The following PLEKHA6 variants were observed in gnomAD, a reference collection of about 807,000 sequenced individuals.
The protein encoded by PLEKHA6 is pleckstrin homology domain-containing family A member 6.
In PLEKHA6, 60 loss-of-function variants were observed where a neutral mutation model predicts 116.7. That is an observed-to-expected ratio of 0.51 (90% CI 0.42 to 0.64). The LOEUF is 0.64. Among genes scored for constraint, PLEKHA6 ranks in the 30% least tolerant of loss-of-function variants. PLEKHA6 has a pLI of 0.00. For synonymous variants in PLEKHA6, 489 were observed against 556.1 expected (o/e 0.88, Z 1.70); for missense variants, 1,338 against 1,422.7 (o/e 0.94, Z 0.96).
chr1:204,339,443 T>C (rs963936951), intron 1 of PLEKHA6, among the ~76,000 whole-genome samples: 1 of 152,046 alleles, frequency 6.6e-6, no homozygotes, highest in East Asian at 1.9e-4. Context: ...ACTAGGGAAA[T>C]TGGGGCAAGG....
chr1:204,225,542 A>C (rs1279020498), intron 21 of PLEKHA6, among the ~76,000 whole-genome samples: 3 of 152,214 alleles, frequency 2.0e-5, no homozygotes, highest in African/African-American at 7.2e-5. Context: ...ACAGTATTGC[A>C]ATATATACAC....
chr1:204,242,628 C>T (rs1662986787), intron 15 of PLEKHA6, among the ~76,000 whole-genome samples: 2 of 152,296 alleles, frequency 1.3e-5, no homozygotes, highest in Non-Finnish European at 1.5e-5. Context: ...AGAGAATGAG[C>T]CAGAACAGGA....
At chr1:204,271,985 G>T (rs1291594448) in intron 3 of PLEKHA6, among the ~76,000 whole-genome samples, 1 of 152,044 alleles carries the variant, frequency 6.6e-6, no homozygotes, top group Non-Finnish European at 1.5e-5. Flanking sequence ...TGCCATGTTG[G>T]TGTGCTGCAC....
intron 3 of PLEKHA6, among the ~76,000 whole-genome samples, chr1:204,367,266 C>T (rs1673680946): frequency 6.6e-6 from 1 of 152,224 alleles, no homozygotes; most frequent in African/African-American, 2.4e-5. Flanking sequence ...GGGGCCTGAC[C>T]AACTCCTAGG....
Position 204,261,248 on chromosome 1 carries a change from T to A in PLEKHA6, c.524+58A>T. 1 of 1,595,160 alleles carries A rather than the reference T, an allele frequency of 6.3e-7. No individual in the cohort carries two copies. Among genetic ancestry groups the A allele is most frequent in the Non-Finnish European group, 8.6e-7 (1 of 1,162,852 alleles). ...TAGCAATGGCCCAGAGCTGGGTGTG[T>A]CTTCCATTCCCCTCTTTATTCTTCC... On this transcript the variant is annotated intron_variant, in intron 7 of 22. Transcript: ENST00000272203. The surrounding 1 kb of genome is among the most constrained non-coding windows in gnomAD (Gnocchi z 4.0).
Position 204,228,472 on chromosome 1 carries a change from G to A in PLEKHA6, c.2886-244C>T, listed in dbSNP as rs1660690168. Among the ~76,000 whole-genome samples the A allele has an allele frequency of 6.6e-6, 1 of 152,106 alleles. No individual in the cohort carries two copies. Among genetic ancestry groups the A allele is most frequent in the South Asian group, 2.1e-4 (1 of 4,814 alleles). ...TGAGCATTTAGGGCAGCCTTGAAGGGGAAAAGAAGTCACCAGAGGGCGAGC... is the reference window on the plus strand; with the variant it reads ...TGAGCATTTAGGGCAGCCTTGAAGGAGAAAAGAAGTCACCAGAGGGCGAGC... On this transcript the variant is annotated intron_variant, in intron 20 of 22. Coordinates refer to ENST00000272203, the MANE Select transcript of PLEKHA6 (RefSeq NM_014935.5). The surrounding 1 kb of genome is among the most constrained non-coding windows in gnomAD (Gnocchi z 4.0).
chr1:204,285,818 A>G (rs1371162977), intron 1 of PLEKHA6, among the ~76,000 whole-genome samples: 3 of 152,208 alleles, frequency 2.0e-5, no homozygotes, highest in Non-Finnish European at 4.4e-5. Flanking sequence ...GGGAGAGAAG[A>G]GTTGGAGAAG....
At chr1:204,286,726 C>T (rs1469855087) in intron 1 of PLEKHA6, among the ~76,000 whole-genome samples, 1 of 152,188 alleles carries the variant, frequency 6.6e-6, no homozygotes, top group Non-Finnish European at 1.5e-5. Context: ...CTGGAAATAA[C>T]AATCCCAGTA....
chr1:204,357,120 A>G (rs995401960), intron 1 of PLEKHA6, among the ~76,000 whole-genome samples: 1 of 152,246 alleles, frequency 6.6e-6, no homozygotes, highest in South Asian at 2.1e-4. Context: ...TGTTCTGCAC[A>G]GCTTCAAAGA....
chr1:204,255,825 T>G, intron 9 of PLEKHA6: 2 of 630,092 alleles, frequency 3.2e-6, no homozygotes, highest in Non-Finnish European at 5.7e-6. Context: ...TGAGGAGTTC[T>G]CAGGAAGGGA....
intron 1 of PLEKHA6, among the ~76,000 whole-genome samples, chr1:204,321,907 A>C (rs1672076130): frequency 6.6e-6 from 1 of 152,224 alleles, no homozygotes; most frequent in Admixed American, 6.5e-5. Context: ...CTGAGTCAGG[A>C]AAGGCAGGCC....
At chr1:204,274,887 G>C (rs1283374209) in intron 1 of PLEKHA6, 78 bp from the exon 2 acceptor site, 1 of 985,078 alleles carries the variant, frequency 1.0e-6, no homozygotes, top group African/African-American at 1.8e-5. Context: ...ACAGACCCTG[G>C]GTGGTGACAG....
At chr1:204,368,218 C>G (rs1673706135) in intron 2 of PLEKHA6, among the ~76,000 whole-genome samples, 1 of 152,172 alleles carries the variant, frequency 6.6e-6, no homozygotes, top group Non-Finnish European at 1.5e-5. Flanking sequence ...AGTGAACACA[C>G]AGATGGTTCC....
At position 204,250,602 on chromosome 1, in the gene PLEKHA6, G is replaced by C; in HGVS notation, c.1537C>G (p.Pro513Ala). ...SISSPKVPPY[P>A]EVFRDSLHTY... Reference sequence around the variant, plus strand: ...TGGAGGCTGTCCCGGAACACTTCTGGGTATGGAGGGACCTGCAGGAACATG... The same window carrying C: ...TGGAGGCTGTCCCGGAACACTTCTGCGTATGGAGGGACCTGCAGGAACATG... The change falls in exon 10 of 23, where the codon CCA (proline) becomes GCA (alanine). Residue 513 changes from proline to alanine, a missense_variant. This residue lies in a region of PLEKHA6 where 1,136 missense variants were observed against 1,163.6 expected (regional missense o/e 0.98). Transcript: ENST00000272203. 1 of 1,612,266 alleles carries C rather than the reference G, an allele frequency of 6.2e-7. No homozygotes were observed. Among genetic ancestry groups the C allele is most frequent in the Non-Finnish European group, 8.5e-7 (1 of 1,178,938 alleles).
upstream of PLEKHA6, among the ~76,000 whole-genome samples, chr1:204,361,114 G>C (rs769503660): frequency 5.3e-5 from 8 of 152,258 alleles, no homozygotes; most frequent in Non-Finnish European, 8.8e-5. Flanking sequence ...TGAGCTTCTG[G>C]AGTCACTTCT....
chr1:204,268,727 ATCTCATGCCCAACATAACACAGAG>A (rs1290471044), intron 3 of PLEKHA6, among the ~76,000 whole-genome samples: 108 of 152,004 alleles, frequency 7.1e-4, no homozygotes, highest in African/African-American at 2.4e-3. Context: ...CCTGTTCGTC[ATCTCATGCCCAACATAACACAGAG>A]CCAGGAGGAG....
chr1:204,343,020 T>G (rs1056111724), intron 1 of PLEKHA6, among the ~76,000 whole-genome samples: 2 of 152,188 alleles, frequency 1.3e-5, no homozygotes, highest in African/African-American at 4.8e-5. Flanking sequence ...GAGGGGAGGC[T>G]TTGGGCTCCC....
chr1:204,264,911 C>T lies in PLEKHA6; in HGVS notation c.381+31G>A, dbSNP rs1279290953. On this transcript the variant is annotated intron_variant, in intron 6 of 22. Coordinates refer to ENST00000272203, the MANE Select transcript of PLEKHA6 (RefSeq NM_014935.5). ...TCTAGAAGAGCAGGCCTTCCTTCCC[C>T]ACCTGCCCTGGGAAGGGAAGGCCAA... The T allele has an allele frequency of 2.7e-6, 4 of 1,464,666 alleles. No individual in the cohort carries two copies. In the African/African-American group the frequency reaches 4.2e-5, roughly 15 times the overall value. The allele number at this position is 1,464,666 out of a possible 1,614,324, so 90.7% of individuals were successfully genotyped here.
chr1:204,316,097 C>A (rs981127533), intron 1 of PLEKHA6, among the ~76,000 whole-genome samples: 2 of 152,154 alleles, frequency 1.3e-5, no homozygotes, highest in Admixed American at 6.5e-5. Context: ...TAATGCAATG[C>A]GCGAGGTGGC....
Sources: gnomAD v4.1 joint callset for allele counts (sites outside exome capture counted in the v4.1 genomes callset) on GRCh38, gnomAD v4.1.1 for gene constraint, gnomAD v4.1.1 regional missense constraint, Gnocchi (gnomAD v3.1) non-coding constraint, MANE v1.5 for transcripts, NCBI Gene and HGNC (gene_info 2026-07-23, HGNC 2026-07-21) for gene names.